The following VPS13C variants were observed in gnomAD, a reference collection of about 807,000 sequenced individuals.
VPS13C encodes the protein intermembrane lipid transfer protein VPS13C.
A neutral mutation model predicts 456.8 loss-of-function variants in VPS13C; 358 were observed. The observed-to-expected ratio is 0.78, with a 90% CI of 0.72 to 0.86. The LOEUF (loss-of-function observed/expected upper bound fraction) is 0.86, where lower values mean the gene tolerates loss of function less well. Ranked by LOEUF, VPS13C falls within the 40% of genes least tolerant of loss-of-function variation. The pLI, the probability that VPS13C is intolerant of heterozygous loss-of-function variation, is 0.00. For missense variants in VPS13C, 4,818 were observed against 4,385.4 expected (o/e 1.10, Z -2.79); for synonymous variants, 1,578 against 1,486.7 (o/e 1.06, Z -1.41).
At chr15:61,909,899 T>C (rs1337176819) in intron 64 of VPS13C, among the ~76,000 whole-genome samples, 2 of 144,454 alleles carry the variant, frequency 1.4e-5, no homozygotes, top group Non-Finnish European at 3.0e-5. Flanking sequence ...ACACTGCATG[T>C]TCTCACTCAT....
At chr15:61,866,556 TAA>T (rs1894607432) in intron 81 of VPS13C, 1 of 985,150 alleles carries the variant, frequency 1.0e-6, no homozygotes, top group African/African-American at 1.7e-5. Context: ...GGAGATGATT[TAA>T]GTCAGCATCT....
Position 61,920,618 on chromosome 15 carries a change from A to C in VPS13C, c.7092T>G (p.Ser2364Arg), listed in dbSNP as rs552342102. The C allele has an allele frequency of 8.2e-6, 13 of 1,585,956 alleles. No homozygotes were observed. In the South Asian group the frequency reaches 1.4e-4, roughly 17 times the overall value. ...DVKKNPVQDK[S>R]LLPGDDFIPE... ...GAATAAAATCATCTCCTGGCAGCAA[A>C]CTTTTATCCTGAACTGGGTTCTTCT... Residue 2364 changes from serine to arginine, a missense_variant, in exon 56 of 85, where the codon AGT becomes AGG. This residue lies in a region of VPS13C where 4,552 missense variants were observed against 4,130.6 expected (regional missense o/e 1.10). Transcript: ENST00000644861.
intron 24 of VPS13C, among the ~76,000 whole-genome samples, chr15:61,976,620 T>C (rs2045710571): frequency 6.6e-6 from 1 of 152,026 alleles, no homozygotes; most frequent in South Asian, 2.1e-4. Flanking sequence ...TATCAAACTG[T>C]AAACTTTAAA....
chr15:62,004,409 T>C (rs190239698), intron 15 of VPS13C, among the ~76,000 whole-genome samples: 1,571 of 152,006 alleles, frequency 0.01, 34 homozygotes, highest in African/African-American at 0.036. Context: ...ATTCTTCTCT[T>C]TTTTCTTCTT....
At position 61,874,890 on chromosome 15, in the gene VPS13C, A is replaced by G. The variant is rs1177836870; in HGVS notation, c.10400T>C (p.Phe3467Ser). 10 of 1,594,378 alleles carry G rather than the reference A, an allele frequency of 6.3e-6. No individual in the cohort carries two copies. Among genetic ancestry groups the G allele is most frequent in the Non-Finnish European group, 6.8e-6 (8 of 1,171,508 alleles). Residue 3467 changes from phenylalanine to serine, a missense_variant, in exon 77 of 85, where the codon TTT becomes TCT. By Grantham distance (155) the Phe-to-Ser change is radical (BLOSUM62 -2). Transcript: ENST00000644861. Reference protein sequence around the residue: ...EGLVIGVRSLFGHTVGGAAGV... With the variant: ...EGLVIGVRSLSGHTVGGAAGV... Reference sequence around the variant, plus strand: ...GTGATACATACCTACTGTGTGTCCAAAGAGGCTTCTCACTCCAATCACTAA... The same window carrying G: ...GTGATACATACCTACTGTGTGTCCAGAGAGGCTTCTCACTCCAATCACTAA...
At chr15:61,868,388 G>A (rs546094447) in intron 81 of VPS13C, among the ~76,000 whole-genome samples, 1 of 151,992 alleles carries the variant, frequency 6.6e-6, no homozygotes, top group African/African-American at 2.4e-5. Context: ...TTAACTAAAT[G>A]AGCTATCACA....
chr15:61,917,278 T>C (rs1447444321), intron 60 of VPS13C, 63 bp downstream of exon 60: 2 of 1,528,922 alleles, frequency 1.3e-6, no homozygotes, highest in Non-Finnish European at 1.8e-6. Flanking sequence ...AAAAATACCA[T>C]AAAACAAAAT....
At position 61,894,333 on chromosome 15, in the gene VPS13C, A is replaced by C. The variant is rs554929050; in HGVS notation, c.9106-3933T>G. 5.5e-3 allele frequency among the ~76,000 whole-genome samples: 826 copies of C among 151,324 alleles called. 11 individuals carry two copies. Among genetic ancestry groups the C allele is most frequent in the African/African-American group, 0.019 (782 of 40,964 alleles). ...AAAACAAAAAGCAGAAAAAAAAAAA[A>C]CCCCAGAAATCCTGTAACAAAATGG... is the stretch of plus-strand genomic sequence containing the variant. On this transcript the variant is annotated intron_variant, in intron 66 of 84. Transcript: ENST00000644861.
chr15:61,906,105 A>G (rs758784942), intron 66 of VPS13C, among the ~76,000 whole-genome samples: 6 of 152,116 alleles, frequency 3.9e-5, no homozygotes, highest in Non-Finnish European at 8.8e-5. Context: ...TCTGTTTATC[A>G]TACTTAAATG....
intron 66 of VPS13C, among the ~76,000 whole-genome samples, chr15:61,902,858 G>A (rs557605823): frequency 1.6e-3 from 196 of 121,396 alleles, no homozygotes; most frequent in Middle Eastern, 9.7e-3. Context: ...TCAGGCAAGC[G>A]AAAGAAAAAA....
intron 59 of VPS13C, 139 bp from the exon 60 acceptor site, chr15:61,917,774 G>T: frequency 1.0e-6 from 1 of 989,798 alleles, no homozygotes; most frequent in Non-Finnish European, 1.4e-6. Context: ...GGAAACCAGG[G>T]CTAAAAAAAA....
chr15:61,907,207 C>T, intron 66 of VPS13C, 57 bp downstream of exon 66: 1 of 1,607,594 alleles, frequency 6.2e-7, no homozygotes, highest in African/African-American at 1.3e-5. Context: ...AAGATAGCTT[C>T]TCTACTTCCT....
At chr15:62,029,303 T>C (rs1251954267) in intron 5 of VPS13C, among the ~76,000 whole-genome samples, 1 of 152,144 alleles carries the variant, frequency 6.6e-6, no homozygotes, top group Non-Finnish European at 1.5e-5. Flanking sequence ...TCAACTACTT[T>C]CACTGTCATT....
At chr15:62,022,680 G>A (rs2047505335) in intron 8 of VPS13C, among the ~76,000 whole-genome samples, 1 of 151,882 alleles carries the variant, frequency 6.6e-6, no homozygotes, top group Admixed American at 6.6e-5. Context: ...ACAAATGTCA[G>A]TATTGCTTTA....
At chr15:62,036,432 T>C (rs2048003102) in intron 3 of VPS13C, among the ~76,000 whole-genome samples, 2 of 152,120 alleles carry the variant, frequency 1.3e-5, no homozygotes, top group Admixed American at 1.3e-4. Flanking sequence ...ACCTGGTATC[T>C]ATTCCCAAGG....
chr15:62,000,903 T>C (rs1029644107), intron 15 of VPS13C, among the ~76,000 whole-genome samples: 1 of 152,186 alleles, frequency 6.6e-6, no homozygotes, highest in African/African-American at 2.4e-5. Flanking sequence ...TAAATGCACA[T>C]GAAAACAAGA....
chr15:61,922,792 T>C (rs943236984), intron 53 of VPS13C, 30 bp from the exon 54 acceptor site: 1 of 1,511,946 alleles, frequency 6.6e-7, no homozygotes, highest in Non-Finnish European at 8.8e-7. Flanking sequence ...AAAATATTTA[T>C]AATAAATTCT....
chr15:61,861,677 T>C (rs1566952597), intron 82 of VPS13C, among the ~76,000 whole-genome samples: 1 of 152,138 alleles, frequency 6.6e-6, no homozygotes, highest in Non-Finnish European at 1.5e-5. Flanking sequence ...CCCCATTTCT[T>C]TAAAAAAGAA....
intron 11 of VPS13C, among the ~76,000 whole-genome samples, chr15:62,012,511 CAG>C (rs2140514911): frequency 6.6e-6 from 1 of 151,934 alleles, no homozygotes; most frequent in African/African-American, 2.4e-5. Flanking sequence ...TCTGAGAAAT[CAG>C]AGATAGAAGA....
Sources: gnomAD v4.1 joint callset for allele counts (sites outside exome capture counted in the v4.1 genomes callset) on GRCh38, gnomAD v4.1.1 for gene constraint, gnomAD v4.1.1 regional missense constraint, MANE v1.5 for transcripts, NCBI Gene and HGNC (gene_info 2026-07-23, HGNC 2026-07-21) for gene names.